Variants in RSRC1 observed in about 807,000 individuals in gnomAD.
RSRC1 encodes serine/Arginine-related protein 53.
RSRC1 carries 39 observed loss-of-function variants against 49.1 expected under a neutral mutation model. That is an observed-to-expected ratio of 0.79 (90% CI 0.61 to 1.04). RSRC1 has a LOEUF of 1.04. RSRC1 is among the 50% of genes least tolerant of loss of function. The probability of loss-of-function intolerance (pLI) is 0.00; values close to 1 mark genes in which losing one functional copy is unlikely to be tolerated. For missense variants in RSRC1, 388 were observed against 402.4 expected, an observed-to-expected ratio of 0.96 and a Z score of 0.31; for synonymous variants, 143 against 130.8, an observed-to-expected ratio of 1.09 and a Z score of -0.63.
intron 1 of RSRC1, among the ~76,000 whole-genome samples, chr3:158,111,946 A>G (rs754314270): frequency 1.3e-5 from 2 of 152,198 alleles, no homozygotes; most frequent in African/African-American, 2.4e-5. Context: ...TACCTCTTCA[A>G]TCAGGCACGT....
intron 7 of RSRC1, among the ~76,000 whole-genome samples, chr3:158,472,304 G>T (rs1038411156): frequency 6.6e-6 from 1 of 151,886 alleles, no homozygotes; most frequent in East Asian, 1.9e-4. Context: ...ATTGTGTTTT[G>T]TTAGAAAAAA....
intron 6 of RSRC1, 43 bp downstream of exon 6, chr3:158,354,951 A>G (rs1333386006): frequency 8.2e-6 from 11 of 1,335,818 alleles, no homozygotes; most frequent in Non-Finnish European, 1.1e-5. Context: ...AGAAGTGACG[A>G]GTAAACCCTA....
chr3:158,193,943 G>A (rs1039151899), intron 3 of RSRC1, among the ~76,000 whole-genome samples: 40 of 151,986 alleles, frequency 2.6e-4, no homozygotes, highest in African/African-American at 9.7e-4. Context: ...AGTTCAGGTC[G>A]ACATACTAGT....
At chr3:158,389,100 A>C (rs58277254) in intron 6 of RSRC1, among the ~76,000 whole-genome samples, 11,140 of 152,214 alleles carry the variant, frequency 0.073, 482 homozygotes, top group South Asian at 0.13. Context: ...AAGTACTGAG[A>C]ATAAAGTTGC....
At chr3:158,509,214 G>T (rs999377816) in intron 7 of RSRC1, among the ~76,000 whole-genome samples, 3 of 152,074 alleles carry the variant, frequency 2.0e-5, no homozygotes, top group Non-Finnish European at 4.4e-5. Context: ...TTTGCATGTG[G>T]ATTATTCCAG....
chr3:158,404,927 C>T (rs1445174583), intron 6 of RSRC1, among the ~76,000 whole-genome samples: 1 of 151,752 alleles, frequency 6.6e-6, no homozygotes, highest in African/African-American at 2.4e-5. Context: ...TTTGGTGCTA[C>T]TGTAATGGTT....
Position 158,141,520 on chromosome 3 carries a change from C to G in RSRC1, c.320+17529C>G, listed in dbSNP as rs150030787. On this transcript the variant is annotated intron_variant, in intron 3 of 9. Transcript: ENST00000611884. ...TTAGAATTAAACTTAAATGACTATG[C>G]AAGTGTAAATATCTATGAGCTAAGG... is the stretch of plus-strand genomic sequence containing the variant. Among the ~76,000 whole-genome samples, 838 of 152,256 alleles carry G rather than the reference C, an allele frequency of 5.5e-3. 8 individuals are homozygous for G. The highest frequency in any genetic ancestry group is 0.019 in the African/African-American group (802 of 41,540).
chr3:158,466,499 C>T (rs1320318502), intron 7 of RSRC1, among the ~76,000 whole-genome samples: 2 of 152,164 alleles, frequency 1.3e-5, no homozygotes, highest in South Asian at 2.1e-4. Flanking sequence ...CATTAGGAAG[C>T]TGACATACAT....
intron 4 of RSRC1, among the ~76,000 whole-genome samples, chr3:158,226,095 T>C (rs1722516157): frequency 6.6e-6 from 1 of 151,852 alleles, no homozygotes; most frequent in East Asian, 1.9e-4. Context: ...TTTTGAGGAA[T>C]GGATACTGTT....
chr3:158,148,466 G>A (rs1487703205), intron 3 of RSRC1, among the ~76,000 whole-genome samples: 1 of 151,974 alleles, frequency 6.6e-6, no homozygotes, highest in Non-Finnish European at 1.5e-5. Context: ...TGTTAGATTA[G>A]GAGTCACAGG....
At chr3:158,331,719 CT>C (rs1214017691) in intron 5 of RSRC1, among the ~76,000 whole-genome samples, 1 of 151,212 alleles carries the variant, frequency 6.6e-6, no homozygotes, top group African/African-American at 2.4e-5. Flanking sequence ...ATTCATTTTC[CT>C]TATTGGAATA....
chr3:158,518,112 G>GCATATATA (rs1560073619), intron 7 of RSRC1, among the ~76,000 whole-genome samples: 1 of 77,750 alleles, frequency 1.3e-5, no homozygotes, highest in African/African-American at 7.9e-5. Flanking sequence ...GTGTGTGTGT[G>GCATATATA]TGTGTGTGTG....
At chr3:158,218,878 G>A (rs928085421) in intron 4 of RSRC1, among the ~76,000 whole-genome samples, 1 of 151,630 alleles carries the variant, frequency 6.6e-6, no homozygotes, top group African/African-American at 2.4e-5. Context: ...TGGCACTATT[G>A]TAGTTACTGG....
intron 3 of RSRC1, among the ~76,000 whole-genome samples, chr3:158,158,670 T>TG (rs1185109476): frequency 1.3e-5 from 2 of 152,160 alleles, no homozygotes; most frequent in African/African-American, 4.8e-5. Context: ...CTGGGCATAG[T>TG]GGCTCATGCC....
At chr3:158,202,481 C>T (rs1361557333) in intron 3 of RSRC1, among the ~76,000 whole-genome samples, 2 of 145,956 alleles carry the variant, frequency 1.4e-5, no homozygotes, top group African/African-American at 2.6e-5. Context: ...TAAGTGGATC[C>T]ATGCGGTTGA....
intron 5 of RSRC1, among the ~76,000 whole-genome samples, chr3:158,326,942 A>C (rs1361718785): frequency 3.9e-5 from 6 of 152,058 alleles, no homozygotes; most frequent in Non-Finnish European, 8.8e-5. Context: ...TCAAGTTCTT[A>C]CTGGTTTAGT....
At chr3:158,533,410 CCTT>C (rs763929559) in intron 7 of RSRC1, among the ~76,000 whole-genome samples, 1 of 151,768 alleles carries the variant, frequency 6.6e-6, no homozygotes, top group East Asian at 1.9e-4. Context: ...TAATCTTTCT[CCTT>C]CTTTCCTTTA....
chr3:158,201,855 ATT>A (rs1721065252), intron 3 of RSRC1, among the ~76,000 whole-genome samples: 1 of 152,052 alleles, frequency 6.6e-6, no homozygotes, highest in Admixed American at 6.6e-5. Flanking sequence ...AATAGAACAC[ATT>A]TTTTGTGTTT....
intron 3 of RSRC1, among the ~76,000 whole-genome samples, chr3:158,192,027 AT>A (rs1720270953): frequency 6.6e-6 from 1 of 151,720 alleles, no homozygotes; most frequent in Non-Finnish European, 1.5e-5. Flanking sequence ...GCCTTTAATA[AT>A]TTTTTTCCTC....
Sources: allele counts gnomAD v4.1 joint callset (sites outside exome capture counted in the v4.1 genomes callset), GRCh38; gene constraint gnomAD v4.1.1; transcripts MANE v1.5; gene names NCBI Gene and HGNC (gene_info 2026-07-23, HGNC 2026-07-21).